Variants in CHRM3 observed in about 807,000 individuals in gnomAD.
CHRM3 encodes cholinergic receptor muscarinic 3.
CHRM3 carries 11 observed loss-of-function variants against 41.8 expected under a neutral mutation model. The observed-to-expected ratio is 0.26, with a 90% CI of 0.17 to 0.44. The LOEUF (loss-of-function observed/expected upper bound fraction) is 0.44, where lower values mean the gene tolerates loss of function less well. Among genes scored for constraint, CHRM3 ranks in the 20% least tolerant of loss-of-function variants. The pLI, the probability that CHRM3 is intolerant of heterozygous loss-of-function variation, is 1.00. For missense variants in CHRM3, 571 were observed against 745.4 expected (o/e 0.77, Z 2.72); for synonymous variants, 297 against 301.4 (o/e 0.99, Z 0.15).
At chr1:239,666,616 A>G (rs75046476) in intron 4 of CHRM3, among the ~76,000 whole-genome samples, 4,306 of 152,164 alleles carry the variant, frequency 0.028, 97 homozygotes, top group Admixed American at 0.057. Context: ...CCTGAAATAG[A>G]TAACATTTCC....
intron 1 of CHRM3, among the ~76,000 whole-genome samples, chr1:239,391,150 A>G (rs951200626): frequency 9.2e-5 from 14 of 152,204 alleles, no homozygotes; most frequent in Non-Finnish European, 2.1e-4. Context: ...CATAATCATC[A>G]TCATAATAGT....
At chr1:239,711,455 A>G (rs1238539873) in intron 5 of CHRM3, among the ~76,000 whole-genome samples, 2 of 152,168 alleles carry the variant, frequency 1.3e-5, no homozygotes, top group Admixed American at 6.5e-5. Context: ...GATTTAATAA[A>G]TCAGTAATCA....
chr1:239,571,370 C>G (rs1661809035), intron 3 of CHRM3, among the ~76,000 whole-genome samples: 1 of 152,136 alleles, frequency 6.6e-6, no homozygotes, highest in Non-Finnish European at 1.5e-5. Flanking sequence ...TAGGAGTTTC[C>G]AGATTGAAAA....
intron 4 of CHRM3, among the ~76,000 whole-genome samples, chr1:239,674,101 T>C (rs1388001533): frequency 6.6e-6 from 1 of 152,148 alleles, no homozygotes; most frequent in East Asian, 1.9e-4. Flanking sequence ...ATCCCAAGCA[T>C]TTCAGATAAA....
At chr1:239,580,247 A>G (rs1174098737) in intron 3 of CHRM3, among the ~76,000 whole-genome samples, 1 of 142,454 alleles carries the variant, frequency 7.0e-6, no homozygotes, top group African/African-American at 2.7e-5. Context: ...CTACCTGGAA[A>G]ATACACACTG....
rs147397903 is a variant in CHRM3 at position 239,541,723 on chromosome 1, G to A, written c.-421-3918G>A. On this transcript the variant is annotated intron_variant, in intron 2 of 6. Coordinates refer to ENST00000676153, the MANE Select transcript of CHRM3 (RefSeq NM_001375978.1). ...AGACGGGGTTTCACCCTGTTGCCCAGGGTGGTCTTGACCTCCTGGACTCAA... is the reference window on the plus strand; with the variant it reads ...AGACGGGGTTTCACCCTGTTGCCCAAGGTGGTCTTGACCTCCTGGACTCAA... 3.4e-3 allele frequency among the ~76,000 whole-genome samples: 517 copies of A among 152,140 alleles called. 14 individuals are homozygous for A. The highest frequency in any genetic ancestry group is 0.031 in the Admixed American group (480 of 15,276).
intron 5 of CHRM3, among the ~76,000 whole-genome samples, chr1:239,741,332 G>A (rs1465359309): frequency 1.3e-5 from 2 of 152,188 alleles, no homozygotes; most frequent in Non-Finnish European, 2.9e-5. Context: ...TCTTCTCTGT[G>A]TCCCTGTGTC....
intron 1 of CHRM3, among the ~76,000 whole-genome samples, chr1:239,467,862 A>C (rs561412896): frequency 6.6e-6 from 1 of 151,770 alleles, no homozygotes; most frequent in African/African-American, 2.4e-5. Flanking sequence ...TGTCATCCTT[A>C]AAATAGAATT....
At chr1:239,604,784 C>G (rs2148710040) in intron 3 of CHRM3, among the ~76,000 whole-genome samples, 1 of 152,282 alleles carries the variant, frequency 6.6e-6, no homozygotes, top group East Asian at 1.9e-4. Flanking sequence ...TAGTTTTCTT[C>G]TGAAGTGGTA....
intron 6 of CHRM3, among the ~76,000 whole-genome samples, chr1:239,842,962 T>C (rs957725560): frequency 6.6e-6 from 1 of 152,126 alleles, no homozygotes; most frequent in African/African-American, 2.4e-5. Flanking sequence ...CTTCACATCA[T>C]AGCCTAGAGC....
At position 239,498,782 on chromosome 1, in the gene CHRM3, G is replaced by A. The variant is rs532874571; in HGVS notation, c.-422+5975G>A. ...TATCATTTCTCCCTTATTCTTTTAC[G>A]GAACAGTTAGCTAATAAAACTTTAA... On this transcript the variant is annotated intron_variant, in intron 2 of 6. Coordinates refer to ENST00000676153, the MANE Select transcript of CHRM3 (RefSeq NM_001375978.1). Among the ~76,000 whole-genome samples the A allele has an allele frequency of 1.4e-4, 21 of 151,962 alleles. No individual in the cohort carries two copies. The South Asian group carries it at 2.9e-3, about 21-fold the overall frequency.
chr1:239,403,879 A>G (rs1572173488), intron 1 of CHRM3, among the ~76,000 whole-genome samples: 1 of 147,766 alleles, frequency 6.8e-6, no homozygotes, highest in East Asian at 2.1e-4. Context: ...TAAACACTGT[A>G]CCTTAGATAG....
intron 1 of CHRM3, among the ~76,000 whole-genome samples, chr1:239,403,741 G>A (rs1257437777): frequency 1.3e-5 from 2 of 151,862 alleles, no homozygotes; most frequent in African/African-American, 2.4e-5. Flanking sequence ...GACTTGGAGG[G>A]GTGATCATGT....
chr1:239,443,291 T>C (rs1663868444), intron 1 of CHRM3, among the ~76,000 whole-genome samples: 1 of 152,240 alleles, frequency 6.6e-6, no homozygotes, highest in South Asian at 2.1e-4. Flanking sequence ...GTATAATTTG[T>C]CTTTCGTCAT....
chr1:239,656,476 GAAA>G (rs1282173809), intron 4 of CHRM3, among the ~76,000 whole-genome samples: 1 of 147,200 alleles, frequency 6.8e-6, no homozygotes, highest in Non-Finnish European at 1.5e-5. Context: ...AAAGAAAAAA[GAAA>G]AAAGAAAAAA....
intron 5 of CHRM3, among the ~76,000 whole-genome samples, chr1:239,739,682 T>C (rs1664677745): frequency 1.3e-5 from 2 of 152,200 alleles, no homozygotes; most frequent in Admixed American, 1.3e-4. Context: ...TTTTTTTTAA[T>C]GTTTTGCTAG....
intron 6 of CHRM3, among the ~76,000 whole-genome samples, chr1:239,875,064 G>A (rs945793953): frequency 1.4e-4 from 22 of 152,306 alleles, no homozygotes; most frequent in African/African-American, 4.6e-4. Context: ...CTTTGTATCT[G>A]TGTGACTAGC....
At chr1:239,554,332 C>T (rs1469888576) in intron 3 of CHRM3, among the ~76,000 whole-genome samples, 1 of 151,980 alleles carries the variant, frequency 6.6e-6, no homozygotes, top group Non-Finnish European at 1.5e-5. Context: ...TTAGTGACCT[C>T]CTATGGTATA....
intron 6 of CHRM3, among the ~76,000 whole-genome samples, chr1:239,879,961 C>G (rs1165012470): frequency 6.6e-6 from 1 of 152,132 alleles, no homozygotes; most frequent in Non-Finnish European, 1.5e-5. Flanking sequence ...AGTTTGTTAC[C>G]CAGCCAGGCT....
Sources: allele counts gnomAD v4.1 joint callset (sites outside exome capture counted in the v4.1 genomes callset), GRCh38; gene constraint gnomAD v4.1.1; transcripts MANE v1.5; gene names NCBI Gene and HGNC (gene_info 2026-07-23, HGNC 2026-07-21).